The following PPARGC1A variants were observed in gnomAD, a reference collection of about 807,000 sequenced individuals.
PPARGC1A encodes the protein peroxisome proliferator-activated receptor gamma coactivator 1-alpha.
In PPARGC1A, 25 loss-of-function variants were observed where a neutral mutation model predicts 88.7. The ratio of observed to expected loss-of-function variants is 0.28; its 90% CI spans 0.21 to 0.39. The LOEUF (loss-of-function observed/expected upper bound fraction) is 0.39. Among genes scored for constraint, PPARGC1A ranks in the 10% least tolerant of loss-of-function variants. PPARGC1A has a pLI of 1.00. For synonymous variants in PPARGC1A, 363 were observed against 355.6 expected (o/e 1.02, Z -0.24); for missense variants, 880 against 968.7 (o/e 0.91, Z 1.22).
the PPARGC1A span, among the ~76,000 whole-genome samples, chr4:24,138,896 C>T: frequency 1.3e-5 from 2 of 152,146 alleles, no homozygotes; most frequent in East Asian, 1.9e-4. Flanking sequence ...TTGAGACTTG[C>T]TCCTTTAACC....
chr4:24,439,815 G>A, the PPARGC1A span, among the ~76,000 whole-genome samples: 3,428 of 152,260 alleles, frequency 0.023, 218 homozygotes, highest in East Asian at 0.25. Context: ...AGGCTCTGGG[G>A]TTCTAGGCTT....
chr4:24,365,994 A>G, the PPARGC1A span, among the ~76,000 whole-genome samples: 5 of 152,136 alleles, frequency 3.3e-5, no homozygotes, highest in Admixed American at 6.6e-5. Flanking sequence ...CTAATCATCA[A>G]CTTGTGGAGA....
chr4:24,056,552 C>G, the PPARGC1A span, among the ~76,000 whole-genome samples: 2 of 152,066 alleles, frequency 1.3e-5, no homozygotes, highest in Non-Finnish European at 2.9e-5. Context: ...TGATCTGTGT[C>G]GATATGGCCA....
At chr4:23,898,500 T>C (rs1414271167) in intron 1 of PPARGC1A, among the ~76,000 whole-genome samples, 1 of 152,212 alleles carries the variant, frequency 6.6e-6, no homozygotes, top group African/African-American at 2.4e-5. Context: ...AGGTAAATGA[T>C]AAACCTCAGT....
At chr4:24,127,213 G>A in the PPARGC1A span, among the ~76,000 whole-genome samples, 1 of 151,854 alleles carries the variant, frequency 6.6e-6, no homozygotes, top group Non-Finnish European at 1.5e-5. Context: ...AAAATGATTA[G>A]CCTTGAGAAA....
At chr4:24,210,797 G>A in the PPARGC1A span, among the ~76,000 whole-genome samples, 2 of 152,168 alleles carry the variant, frequency 1.3e-5, no homozygotes, top group Admixed American at 6.5e-5. Context: ...TCTCCAGAAA[G>A]GTCAAAAGCA....
At chr4:24,456,681 A>G in the PPARGC1A span, among the ~76,000 whole-genome samples, 3 of 151,978 alleles carry the variant, frequency 2.0e-5, no homozygotes, top group Non-Finnish European at 4.4e-5. Context: ...AACATAATAT[A>G]TCATGGGATC....
the PPARGC1A span, among the ~76,000 whole-genome samples, chr4:24,284,129 CAAAAAAA>C: frequency 8.5e-6 from 1 of 117,940 alleles, no homozygotes; most frequent in Non-Finnish European, 1.8e-5. Context: ...CTAAAAATAC[CAAAAAAA>C]AAAAAAAAAA....
chr4:24,107,922 T>C, the PPARGC1A span, among the ~76,000 whole-genome samples: 1 of 152,108 alleles, frequency 6.6e-6, no homozygotes. Context: ...ATTTATTAGG[T>C]TTGCCAAGTA....
chr4:23,954,688 A>C, the PPARGC1A span, among the ~76,000 whole-genome samples: 18 of 152,174 alleles, frequency 1.2e-4, no homozygotes, highest in South Asian at 1.9e-3. Flanking sequence ...TGTTTCTGCA[A>C]AGTTGTGAAG....
chr4:23,969,998 C>G, the PPARGC1A span, among the ~76,000 whole-genome samples: 2 of 152,196 alleles, frequency 1.3e-5, no homozygotes, highest in Admixed American at 1.3e-4. Context: ...GCAAAAGAGA[C>G]AGCAAGATGG....
chr4:23,902,557 CAT>C (rs1719536181), upstream of PPARGC1A, among the ~76,000 whole-genome samples: 1 of 152,152 alleles, frequency 6.6e-6, no homozygotes, highest in Non-Finnish European at 1.5e-5. Flanking sequence ...TGTTGCAAAA[CAT>C]ATAGAGAGTA....
At chr4:24,424,997 A>G in the PPARGC1A span, among the ~76,000 whole-genome samples, 1 of 152,228 alleles carries the variant, frequency 6.6e-6, no homozygotes, top group Non-Finnish European at 1.5e-5. Context: ...CAAGCAAATA[A>G]TCTGGATTCA....
chr4:24,339,093 G>C, the PPARGC1A span, among the ~76,000 whole-genome samples: 1 of 151,650 alleles, frequency 6.6e-6, no homozygotes, highest in East Asian at 1.9e-4. Flanking sequence ...TTTTCTGTCC[G>C]CATGAATTTG....
At chr4:24,023,557 CACAGAAA>C in the PPARGC1A span, among the ~76,000 whole-genome samples, 2 of 152,190 alleles carry the variant, frequency 1.3e-5, no homozygotes, top group Admixed American at 1.3e-4. Flanking sequence ...TAGTTGATAT[CACAGAAA>C]ACATATACTC....
the PPARGC1A span, among the ~76,000 whole-genome samples, chr4:24,075,009 C>G: frequency 6.6e-6 from 1 of 152,120 alleles, no homozygotes; most frequent in African/African-American, 2.4e-5. Context: ...CTCCAGCCCT[C>G]CCTTCAAGTC....
At chr4:24,000,842 C>T in the PPARGC1A span, among the ~76,000 whole-genome samples, 1 of 152,134 alleles carries the variant, frequency 6.6e-6, no homozygotes, top group Non-Finnish European at 1.5e-5. Context: ...CTTTTCTTTT[C>T]TGATAATCTG....
At chr4:24,315,863 G>A in the PPARGC1A span, among the ~76,000 whole-genome samples, 1 of 152,138 alleles carries the variant, frequency 6.6e-6, no homozygotes, top group Non-Finnish European at 1.5e-5. Context: ...TCCTTTCCGG[G>A]CATTCAAAGC....
At chr4:24,177,472 G>A in the PPARGC1A span, among the ~76,000 whole-genome samples, 5 of 151,636 alleles carry the variant, frequency 3.3e-5, no homozygotes, top group Non-Finnish European at 1.5e-5. Flanking sequence ...GTTGTGGGGT[G>A]GGGGGAAGGG....
Sources: allele counts gnomAD v4.1 joint callset (sites outside exome capture counted in the v4.1 genomes callset), GRCh38; gene constraint gnomAD v4.1.1; transcripts MANE v1.5; gene names NCBI Gene and HGNC (gene_info 2026-07-23, HGNC 2026-07-21).